The following NIPSNAP3B variants were observed in gnomAD, a reference collection of about 807,000 sequenced individuals.
The protein encoded by NIPSNAP3B is nipsnap homolog 3B, also known as protein NipSnap homolog 3B.
A neutral mutation model predicts 31.5 loss-of-function variants in NIPSNAP3B; 30 were observed. That is an observed-to-expected ratio of 0.95 (90% CI 0.71 to 1.29). The LOEUF (loss-of-function observed/expected upper bound fraction) is 1.29, where lower values mean the gene tolerates loss of function less well. NIPSNAP3B is among the 50% of genes most tolerant of loss of function. The pLI is 0.00. For missense variants in NIPSNAP3B, 269 were observed against 300.7 expected (o/e 0.89, Z 0.78); for synonymous variants, 106 against 107.9 (o/e 0.98, Z 0.11).
intron 3 of NIPSNAP3B, among the ~76,000 whole-genome samples, chr9:104,770,247 T>G (rs1365243292): frequency 6.6e-6 from 1 of 152,180 alleles, no homozygotes; most frequent in Non-Finnish European, 1.5e-5. Context: ...ACCCATCTTA[T>G]ACTTCTGGCC....
rs1406812258 is a variant in NIPSNAP3B at position 104,773,207 on chromosome 9, T to C, written c.*134T>C. 2.4e-6 allele frequency: 2 copies of C among 832,802 alleles called. No individual in the cohort carries two copies. Among genetic ancestry groups the C allele is most frequent in the African/African-American group, 3.5e-5 (2 of 57,948 alleles). The allele number at this position is 832,802 out of a possible 1,614,324, so 51.6% of individuals were successfully genotyped here. A position where few individuals can be genotyped will look rare whatever the true frequency, so the allele number is the denominator to read the frequency against. On this transcript the variant is annotated 3_prime_UTR_variant, in exon 6 of 6. Transcript: ENST00000374762. Reference sequence around the variant, plus strand: ...TTAATTAGTTAATTTGCTGTGCTTCTTGCATTTTTGAAAGTTACATATTCT... The same window carrying C: ...TTAATTAGTTAATTTGCTGTGCTTCCTGCATTTTTGAAAGTTACATATTCT...
At chr9:104,784,012 G>A in the NIPSNAP3B span, 31 of 255,554 alleles carry the variant, frequency 1.2e-4, no homozygotes, top group Non-Finnish European at 1.6e-4. Flanking sequence ...AAAAAAAAGT[G>A]TGAGTTCAAA....
chr9:104,779,719 G>GA (rs1588173577), downstream of NIPSNAP3B, among the ~76,000 whole-genome samples: 1 of 151,114 alleles, frequency 6.6e-6, no homozygotes, highest in East Asian at 2.0e-4. Context: ...ACAGATAGAA[G>GA]AATGTTTTAG....
At chr9:104,787,545 C>T in the NIPSNAP3B span, among the ~76,000 whole-genome samples, 2 of 152,272 alleles carry the variant, frequency 1.3e-5, no homozygotes, top group African/African-American at 4.8e-5. Flanking sequence ...TTCATCTATC[C>T]GTGTGTAAGG....
chr9:104,785,333 G>C, the NIPSNAP3B span: 1 of 1,601,764 alleles, frequency 6.2e-7, no homozygotes, highest in Non-Finnish European at 8.5e-7. Flanking sequence ...ACCTATGGGC[G>C]GGAGTGTCGG....
the NIPSNAP3B span, chr9:104,788,492 C>G: frequency 1.2e-6 from 2 of 1,614,218 alleles, no homozygotes; most frequent in Non-Finnish European, 1.7e-6. Context: ...CTCTCCCAGT[C>G]AACAGCTCTG....
chr9:104,770,810 A>C, intron 3 of NIPSNAP3B, 39 bp from the exon 4 acceptor site: 2 of 1,593,332 alleles, frequency 1.3e-6, no homozygotes, highest in Non-Finnish European at 8.6e-7. Flanking sequence ...AATTGTTTGA[A>C]TGTCTTCTGT....
chr9:104,775,425 C>T lies in NIPSNAP3B; in HGVS notation c.*2352C>T, dbSNP rs1208465719. ...GAAGTTTCTTCGTTTCTCCGAAACA[C>T]TCACTGCACAAGCCTTCATATCTCC... is the stretch of plus-strand genomic sequence containing the variant. On this transcript the variant is annotated 3_prime_UTR_variant, in exon 6 of 6. Transcript: ENST00000374762. 6.6e-6 allele frequency among the ~76,000 whole-genome samples: 1 copy of T among 152,126 alleles called. No individual in the cohort carries two copies. Among genetic ancestry groups the T allele is most frequent in the Non-Finnish European group, 1.5e-5 (1 of 68,032 alleles).
At chr9:104,764,706 A>AT (rs1217988530) in intron 1 of NIPSNAP3B, among the ~76,000 whole-genome samples, 11 of 151,802 alleles carry the variant, frequency 7.2e-5, no homozygotes, top group South Asian at 6.3e-4. Context: ...CGCCCGGCTA[A>AT]TTTTTTTTGT....
downstream of NIPSNAP3B, chr9:104,782,196 C>A (rs1828585750): frequency 6.6e-6 from 1 of 152,042 alleles, no homozygotes; most frequent in Non-Finnish European, 1.5e-5. Flanking sequence ...TCTATAAATT[C>A]TGTATTTTTG....
chr9:104,776,869 C>T lies in NIPSNAP3B; in HGVS notation c.*3796C>T, dbSNP rs1470186613. The stretch of plus-strand genomic sequence containing the variant: ...CCTAAGTACTTGTTGACTGAATTAA[C>T]ATATGAGATCTGTGAGTCTGAAAAA... On this transcript the variant is annotated 3_prime_UTR_variant, in exon 6 of 6. Transcript: ENST00000374762. 6.6e-6 allele frequency among the ~76,000 whole-genome samples: 1 copy of T among 152,158 alleles called. No individual in the cohort carries two copies. The highest frequency in any genetic ancestry group is 1.5e-5 in the Non-Finnish European group (1 of 68,022).
At chr9:104,784,406 T>C in the NIPSNAP3B span, 22 of 1,613,902 alleles carry the variant, frequency 1.4e-5, no homozygotes, top group Non-Finnish European at 1.9e-5. Flanking sequence ...TAATGAGAGG[T>C]CTTTTAAGTG....
Position 104,764,133 on chromosome 9 carries a change from C to T in NIPSNAP3B, c.-108C>T. ...CTGACCCCGCCGAGTCCCGCCCCTGCCTGAGTTCGCCAGTGGTCCAGGAGC... is the reference window on the plus strand; with the variant it reads ...CTGACCCCGCCGAGTCCCGCCCCTGTCTGAGTTCGCCAGTGGTCCAGGAGC... On this transcript the variant is annotated 5_prime_UTR_variant, in exon 1 of 6. Transcript: ENST00000374762. 9.5e-7 allele frequency: 1 copy of T among 1,048,250 alleles called. No individual in the cohort carries two copies. Among genetic ancestry groups the T allele is most frequent in the South Asian group, 1.4e-5 (1 of 69,328 alleles). The allele number at this position is 1,048,250 out of a possible 1,614,324, so 64.9% of individuals were successfully genotyped here.
At chr9:104,783,137 T>C in the NIPSNAP3B span, 7 of 152,404 alleles carry the variant, frequency 4.6e-5, no homozygotes, top group South Asian at 2.1e-4. Context: ...GCACTAGTCA[T>C]GACTGATATG....
At chr9:104,770,625 T>C (rs994739397) in intron 3 of NIPSNAP3B, among the ~76,000 whole-genome samples, 1 of 152,184 alleles carries the variant, frequency 6.6e-6, no homozygotes, top group Admixed American at 6.5e-5. Flanking sequence ...CTTTATTTTC[T>C]TTATGATTAA....
In NIPSNAP3B at chr9:104,773,244, A is replaced by G. The variant is rs1480158343; in HGVS notation, c.*171A>G. 23 of 630,536 alleles carry G rather than the reference A, an allele frequency of 3.6e-5. No homozygotes were observed. The highest frequency in any genetic ancestry group is 4.3e-4 in the Middle Eastern group (1 of 2,312). The allele number at this position is 630,536 out of a possible 1,614,324, so 39.1% of individuals were successfully genotyped here. On this transcript the variant is annotated 3_prime_UTR_variant, in exon 6 of 6. Coordinates refer to ENST00000374762, the MANE Select transcript of NIPSNAP3B (RefSeq NM_018376.4). ...AAGTTACATATTCTCCACTGCTTTA[A>G]GAAATAATTCAGTTCACTTTCACCT... is the stretch of plus-strand genomic sequence containing the variant.
the NIPSNAP3B span, chr9:104,784,069 G>A: frequency 2.0e-6 from 1 of 499,910 alleles, no homozygotes; most frequent in Non-Finnish European, 3.6e-6. Context: ...ATAGGTATAG[G>A]TAAAAAACTA....
In NIPSNAP3B at chr9:104,773,603, A is replaced by C. The variant is rs1227559951; in HGVS notation, c.*530A>C. ...AAGTACAATGTCATCTGTATTAATTATTGCTTTTACATTCATTGATTATTA... is the reference window on the plus strand; with the variant it reads ...AAGTACAATGTCATCTGTATTAATTCTTGCTTTTACATTCATTGATTATTA... On this transcript the variant is annotated 3_prime_UTR_variant, in exon 6 of 6. Transcript: ENST00000374762. 2 of 152,316 alleles carry C rather than the reference A, an allele frequency of 1.3e-5. No individual in the cohort carries two copies. The highest frequency in any genetic ancestry group is 2.9e-5 in the Non-Finnish European group (2 of 68,122). 9.4% of individuals were successfully genotyped at this position (152,316 alleles called of 1,614,324 possible). A position where few individuals can be genotyped will look rare whatever the true frequency, so the allele number is the denominator to read the frequency against.
At chr9:104,788,030 G>T in the NIPSNAP3B span, 11 of 1,614,046 alleles carry the variant, frequency 6.8e-6, no homozygotes, top group African/African-American at 1.5e-4. Flanking sequence ...ACGAGGCCCA[G>T]TTTCCGAATC....
Sources: gnomAD v4.1 joint callset for allele counts (sites outside exome capture counted in the v4.1 genomes callset) on GRCh38, gnomAD v4.1.1 for gene constraint, MANE v1.5 for transcripts, NCBI Gene and HGNC (gene_info 2026-07-23, HGNC 2026-07-21) for gene names.